FAM83B: variants seen among roughly 807,000 people sequenced by gnomAD.
The protein encoded by FAM83B is protein FAM83B.
In FAM83B, 26 loss-of-function variants were observed where a neutral mutation model predicts 38.8. The observed-to-expected ratio is 0.67, with a 90% CI of 0.49 to 0.93. The LOEUF is 0.93. FAM83B is among the 40% of genes least tolerant of loss of function. FAM83B has a pLI of 0.00. For missense variants in FAM83B, 1,237 were observed against 1,197.3 expected, an observed-to-expected ratio of 1.03 and a Z score of -0.49; for synonymous variants, 419 against 423.1, an observed-to-expected ratio of 0.99 and a Z score of 0.12.
intron 2 of FAM83B, among the ~76,000 whole-genome samples, chr6:54,917,109 CA>C: frequency 6.6e-6 from 1 of 152,266 alleles, no homozygotes; most frequent in East Asian, 1.9e-4. Flanking sequence ...CATTTTATGG[CA>C]GATGTCACAA....
intron 2 of FAM83B, among the ~76,000 whole-genome samples, chr6:54,890,597 G>A (rs1399432347): frequency 6.6e-6 from 1 of 151,962 alleles, no homozygotes; most frequent in Non-Finnish European, 1.5e-5. Flanking sequence ...GCACTCATCA[G>A]TTACACATGT....
Position 54,940,674 on chromosome 6 carries a change from T to A in FAM83B, c.1703T>A (p.Ile568Asn). The change falls in exon 5 of 5, where the codon ATC becomes AAC. Residue 568 changes from isoleucine to asparagine, a missense_variant. Coordinates refer to ENST00000306858, the MANE Select transcript of FAM83B (RefSeq NM_001010872.3). Reference protein sequence around the residue: ...SCTTGSSNSTIIGSQGSETPK... With the variant: ...SCTTGSSNSTNIGSQGSETPK... ...ACAACTGGCTCCTCAAATTCAACTA[T>A]CATTGGTTCTCAGGGAAGTGAGACA... The A allele has an allele frequency of 6.2e-7, 1 of 1,614,018 alleles. No homozygotes were observed. Among genetic ancestry groups the A allele is most frequent in the Non-Finnish European group, 8.5e-7 (1 of 1,180,008 alleles).
chr6:54,938,777 T>C lies in FAM83B; in HGVS notation c.735-929T>C, dbSNP rs566414575. On this transcript the variant is annotated intron_variant, in intron 4 of 4. Transcript: ENST00000306858. The stretch of plus-strand genomic sequence containing the variant: ...TTCTGGATATTATTCCTTTGTTGGA[T>C]GCATAGTTTGCAAATAGTTTCTCCC... Among the ~76,000 whole-genome samples, 14 of 152,320 alleles carry C rather than the reference T, an allele frequency of 9.2e-5. No individual in the cohort carries two copies. The South Asian group carries it at 2.9e-3, about 32-fold the overall frequency.
intron 1 of FAM83B, among the ~76,000 whole-genome samples, chr6:54,868,217 T>A (rs1470669984): frequency 6.6e-6 from 1 of 152,166 alleles, no homozygotes. Flanking sequence ...CTTGGCACTG[T>A]TGACATTTTG....
At chr6:54,858,892 T>A (rs1771507861) in intron 1 of FAM83B, among the ~76,000 whole-genome samples, 4 of 152,180 alleles carry the variant, frequency 2.6e-5, no homozygotes, top group Non-Finnish European at 5.9e-5. Flanking sequence ...ACCTAATCAC[T>A]TTTACAGTAC....
chr6:54,884,458 T>C (rs1396054012), intron 2 of FAM83B, among the ~76,000 whole-genome samples: 1 of 140,874 alleles, frequency 7.1e-6, no homozygotes, highest in Non-Finnish European at 1.5e-5. Context: ...CTCCAGCCTG[T>C]GCAACAGAGT....
Position 54,944,766 on chromosome 6 carries a change from A to G in FAM83B, c.*2759A>G, listed in dbSNP as rs1256043664. 1 of 152,210 alleles carries G rather than the reference A, an allele frequency of 6.6e-6. No individual in the cohort carries two copies. The highest frequency in any genetic ancestry group is 1.5e-5 in the Non-Finnish European group (1 of 68,036). 9.4% of individuals were successfully genotyped at this position (152,210 alleles called of 1,614,324 possible). On this transcript the variant is annotated 3_prime_UTR_variant, in exon 5 of 5. Coordinates refer to ENST00000306858, the MANE Select transcript of FAM83B (RefSeq NM_001010872.3). The stretch of plus-strand genomic sequence containing the variant: ...GGGATGCAAAGTAGAATTGCTTTAC[A>G]TTGACTATATATGTGACATGTACGT...
Position 54,909,414 on chromosome 6 carries a change from T to C in FAM83B, c.445-16957T>C, listed in dbSNP as rs114784257. Among the ~76,000 whole-genome samples the C allele has an allele frequency of 5.3e-3, 813 of 152,204 alleles. 6 individuals carry two copies. Among genetic ancestry groups the C allele is most frequent in the African/African-American group, 0.019 (789 of 41,546 alleles). On this transcript the variant is annotated intron_variant, in intron 2 of 4. Coordinates refer to ENST00000306858, the MANE Select transcript of FAM83B (RefSeq NM_001010872.3). The stretch of plus-strand genomic sequence containing the variant: ...CGGTTCTTGCCATTACTTTCAGTGG[T>C]GAAACCGCAATTACTTCTGCACCAA...
At chr6:54,922,434 T>C (rs2127587466) in intron 2 of FAM83B, among the ~76,000 whole-genome samples, 1 of 152,136 alleles carries the variant, frequency 6.6e-6, no homozygotes, top group East Asian at 1.9e-4. Flanking sequence ...TCTTAATGCC[T>C]ATATATCATT....
At chr6:54,851,103 A>C (rs1771267158) in intron 1 of FAM83B, among the ~76,000 whole-genome samples, 1 of 151,588 alleles carries the variant, frequency 6.6e-6, no homozygotes, top group African/African-American at 2.4e-5. Context: ...AATATAGCTA[A>C]GTTGTTTTTA....
At position 54,941,637 on chromosome 6, in the gene FAM83B, T is replaced by G. The variant is rs756343612; in HGVS notation, c.2666T>G (p.Phe889Cys). 6.2e-7 allele frequency: 1 copy of G among 1,614,098 alleles called. No homozygotes were observed. The highest frequency in any genetic ancestry group is 8.5e-7 in the Non-Finnish European group (1 of 1,180,016). The change falls in exon 5 of 5, where the codon TTT (phenylalanine) becomes TGT (cysteine). Residue 889 changes from phenylalanine (F) to cysteine (C), a missense_variant. Phe to Cys is a radical substitution (Grantham distance 205). Transcript: ENST00000306858. ...ERAGDASAPR[F>C]NTEQIQYRDS... Reference sequence around the variant, plus strand: ...GCAGGAGATGCCTCTGCCCCAAGATTTAACACTGAACAGATCCAATACCGA... The same window carrying G: ...GCAGGAGATGCCTCTGCCCCAAGATGTAACACTGAACAGATCCAATACCGA...
rs543426911 is a variant in FAM83B, at chr6:54,943,917, A to G, written c.*1910A>G. On this transcript the variant is annotated 3_prime_UTR_variant, in exon 5 of 5. Coordinates refer to ENST00000306858, the MANE Select transcript of FAM83B (RefSeq NM_001010872.3). ...ATCTCCTTAATTTCAGGACATGTAG[A>G]TAGCTTATAGAAACATCCTTTTAAA... 1 of 152,312 alleles carries G rather than the reference A, an allele frequency of 6.6e-6. No individual in the cohort carries two copies. The highest frequency in any genetic ancestry group is 1.5e-5 in the Non-Finnish European group (1 of 68,026). The allele number at this position is 152,312 out of a possible 1,614,324, so 9.4% of individuals were successfully genotyped here.
intron 2 of FAM83B, among the ~76,000 whole-genome samples, chr6:54,903,680 G>A (rs765752885): frequency 2.0e-5 from 3 of 151,720 alleles, no homozygotes; most frequent in Admixed American, 6.6e-5. Flanking sequence ...CTATAAAATC[G>A]TCTTCATAAA....
chr6:54,857,613 C>T (rs1771473375), intron 1 of FAM83B, among the ~76,000 whole-genome samples: 1 of 152,186 alleles, frequency 6.6e-6, no homozygotes. Context: ...TAGGTCTTAT[C>T]CAAGACAGTG....
chr6:54,866,819 C>T (rs1258081839), intron 1 of FAM83B, among the ~76,000 whole-genome samples: 7 of 152,108 alleles, frequency 4.6e-5, no homozygotes, highest in Admixed American at 4.6e-4. Context: ...TTGCATGTGT[C>T]ATTTTATAAA....
In FAM83B at chr6:54,942,250, TC is replaced by T. The variant is rs1773722298; in HGVS notation, c.*244del. ...GGTAAAAATAATAGATGTATTTAAA[TC>T]ATTTTCTTTAGACTGAAGATTTTAA... On this transcript the variant is annotated 3_prime_UTR_variant, in exon 5 of 5. Transcript: ENST00000306858. Among the ~76,000 whole-genome samples the T allele has an allele frequency of 6.6e-6, 1 of 152,216 alleles. No individual in the cohort carries two copies. Among genetic ancestry groups the T allele is most frequent in the South Asian group, 2.1e-4 (1 of 4,834 alleles).
intron 1 of FAM83B, among the ~76,000 whole-genome samples, chr6:54,862,766 C>G (rs1403971277): frequency 6.6e-6 from 1 of 151,802 alleles, no homozygotes; most frequent in Non-Finnish European, 1.5e-5. Flanking sequence ...TGCCTGTAGT[C>G]CCAGCTACTT....
chr6:54,923,235 A>G (rs1773211853), intron 2 of FAM83B, among the ~76,000 whole-genome samples: 1 of 152,092 alleles, frequency 6.6e-6, no homozygotes, highest in Non-Finnish European at 1.5e-5. Context: ...TAATCCTTTA[A>G]TATCTAATGT....
chr6:54,873,461 G>T (rs1771910796), intron 2 of FAM83B, among the ~76,000 whole-genome samples: 1 of 152,072 alleles, frequency 6.6e-6, no homozygotes, highest in African/African-American at 2.4e-5. Context: ...GCTTTTTAAA[G>T]ATTAAATGTG....
Sources: gnomAD v4.1 joint callset for allele counts (sites outside exome capture counted in the v4.1 genomes callset) on GRCh38, gnomAD v4.1.1 for gene constraint, MANE v1.5 for transcripts, NCBI Gene and HGNC (gene_info 2026-07-23, HGNC 2026-07-21) for gene names.